Variants in PSMD14 observed in about 807,000 individuals in gnomAD.
PSMD14 encodes the protein ubiquitin C-terminal hydrolase PSMD14.
Under a neutral mutation model 41.2 loss-of-function variants are expected in PSMD14, and 7 were observed. The observed-to-expected ratio is 0.17, with a 90% CI of 0.10 to 0.32. PSMD14 has a LOEUF of 0.32. Among genes scored for constraint, PSMD14 ranks in the 10% least tolerant of loss-of-function variants. PSMD14 has a pLI of 1.00. For synonymous variants in PSMD14, 114 were observed against 122.3 expected, an observed-to-expected ratio of 0.93 and a Z score of 0.45; for missense variants, 139 against 375.6, an observed-to-expected ratio of 0.37 and a Z score of 5.21.
rs535756543 is a variant in PSMD14, at chr2:161,371,964, T to A, written c.462+642T>A. Among the ~76,000 whole-genome samples the A allele has an allele frequency of 4.2e-4, 63 of 150,112 alleles. 1 individual carries two copies. The highest frequency in any genetic ancestry group is 1.2e-4 in the Non-Finnish European group (8 of 66,586). On this transcript the variant is annotated intron_variant, in intron 7 of 11. Transcript: ENST00000409682. Reference sequence around the variant, plus strand: ...TTTCTCTTTTTTTGTTCATTCATTCTTTCTTTTTTTTTTTTATTTCTTTCT... The same window carrying A: ...TTTCTCTTTTTTTGTTCATTCATTCATTCTTTTTTTTTTTTATTTCTTTCT...
chr2:161,337,548 A>T (rs894490260), intron 3 of PSMD14, among the ~76,000 whole-genome samples: 8 of 152,210 alleles, frequency 5.3e-5, no homozygotes, highest in African/African-American at 1.9e-4. Flanking sequence ...CTCTGCACCT[A>T]ATCAATATTT....
chr2:161,408,164 T>C (rs1683978487), intron 10 of PSMD14: 1 of 152,160 alleles, frequency 6.6e-6, no homozygotes, highest in African/African-American at 2.4e-5. Flanking sequence ...ATTTGGTTTT[T>C]AGTTCAGGTA....
At chr2:161,387,455 A>G (rs764357822) in intron 8 of PSMD14, among the ~76,000 whole-genome samples, 37 of 151,990 alleles carry the variant, frequency 2.4e-4, no homozygotes, top group Non-Finnish European at 4.4e-4. Context: ...TTCAAGTAGT[A>G]GGGATAAAAG....
chr2:161,333,724 T>C (rs1682827835), intron 3 of PSMD14, among the ~76,000 whole-genome samples: 1 of 152,232 alleles, frequency 6.6e-6, no homozygotes, highest in Non-Finnish European at 1.5e-5. Flanking sequence ...GAGAAAGGTA[T>C]CAATTTTTAA....
intron 3 of PSMD14, among the ~76,000 whole-genome samples, chr2:161,363,172 C>T (rs1001960769): frequency 1.3e-5 from 2 of 152,154 alleles, no homozygotes; most frequent in Non-Finnish European, 2.9e-5. Flanking sequence ...AGGTTGCATG[C>T]TCCATCTATA....
chr2:161,335,932 T>TA (rs1416734367), intron 3 of PSMD14, among the ~76,000 whole-genome samples: 1 of 152,206 alleles, frequency 6.6e-6, no homozygotes, highest in African/African-American at 2.4e-5. Context: ...TTAGAAGTAA[T>TA]ATATGTAATG....
At chr2:161,399,799 G>T (rs1299052368) in intron 10 of PSMD14, among the ~76,000 whole-genome samples, 1 of 152,044 alleles carries the variant, frequency 6.6e-6, no homozygotes, top group Non-Finnish European at 1.5e-5. Context: ...TTTGGAGGCC[G>T]TCTTTCAGTT....
intron 3 of PSMD14, among the ~76,000 whole-genome samples, chr2:161,345,384 A>G (rs570023406): frequency 6.6e-6 from 1 of 151,604 alleles, no homozygotes; most frequent in East Asian, 1.9e-4. Flanking sequence ...CTGGGACCAC[A>G]GGTGCATGCC....
rs113433607 is a variant in PSMD14, at chr2:161,342,844, T to C, written c.48+23971T>C. 1.5e-3 allele frequency among the ~76,000 whole-genome samples: 234 copies of C among 152,320 alleles called. 3 individuals are homozygous for C. Among genetic ancestry groups the C allele is most frequent in the African/African-American group, 5.4e-3 (224 of 41,578 alleles). Reference sequence around the variant, plus strand: ...CATTATATCCCCTTTGTTGAATTTCTAGCTATAACTTGTTTTGTTAGTTTA... The same window carrying C: ...CATTATATCCCCTTTGTTGAATTTCCAGCTATAACTTGTTTTGTTAGTTTA... On this transcript the variant is annotated intron_variant, in intron 3 of 11. Coordinates refer to ENST00000409682, the MANE Select transcript of PSMD14 (RefSeq NM_005805.6).
At chr2:161,410,689 A>T (rs1049289328) in intron 11 of PSMD14, among the ~76,000 whole-genome samples, 1 of 152,128 alleles carries the variant, frequency 6.6e-6, no homozygotes, top group African/African-American at 2.4e-5. Flanking sequence ...AAATAGCTAC[A>T]TGAAACATTC....
intron 8 of PSMD14, among the ~76,000 whole-genome samples, chr2:161,388,211 A>G (rs1238311821): frequency 1.3e-5 from 2 of 152,124 alleles, no homozygotes; most frequent in Non-Finnish European, 2.9e-5. Flanking sequence ...CTCTAAGTAT[A>G]GTCTTGAGTA....
At chr2:161,328,761 G>A (rs1047923892) in intron 3 of PSMD14, among the ~76,000 whole-genome samples, 11 of 151,884 alleles carry the variant, frequency 7.2e-5, no homozygotes, top group African/African-American at 1.2e-4. Flanking sequence ...ATTGTACAGC[G>A]CAGGTCTAGA....
At chr2:161,321,124 AC>A (rs1018025788) in intron 3 of PSMD14, among the ~76,000 whole-genome samples, 2 of 152,204 alleles carry the variant, frequency 1.3e-5, no homozygotes, top group African/African-American at 4.8e-5. Flanking sequence ...AAAAAAGGAG[AC>A]ACAAATTGGC....
chr2:161,407,816 T>TTAG (rs1225291039), intron 10 of PSMD14: 2 of 152,082 alleles, frequency 1.3e-5, no homozygotes, highest in Non-Finnish European at 2.9e-5. Context: ...TTTCTTAAGG[T>TTAG]TAGTGATCCT....
intron 3 of PSMD14, among the ~76,000 whole-genome samples, chr2:161,350,363 G>A (rs1307469896): frequency 6.6e-6 from 1 of 152,112 alleles, no homozygotes; most frequent in Non-Finnish European, 1.5e-5. Flanking sequence ...TCATGTATCT[G>A]GCAATCCTAT....
intron 10 of PSMD14, 126 bp from the exon 11 acceptor site, chr2:161,408,711 C>T (rs1417545197): frequency 4.6e-6 from 3 of 649,376 alleles, no homozygotes; most frequent in South Asian, 2.0e-5. Context: ...TTTATTTGTT[C>T]AGTAAATTAT....
rs1054781711 is a variant in PSMD14 at position 161,411,556 on chromosome 2, T to C, written c.*156T>C. On this transcript the variant is annotated 3_prime_UTR_variant, in exon 12 of 12. Transcript: ENST00000409682. ...AACACCTTCAGTCTCAGTTGTGCAA[T>C]TACTTCTGTTTCTTTAGTCAGGGTC... The C allele has an allele frequency of 1.2e-5, 5 of 410,338 alleles. No homozygotes were observed. Among genetic ancestry groups the C allele is most frequent in the African/African-American group, 1.0e-4 (5 of 48,412 alleles). 25.4% of individuals were successfully genotyped at this position (410,338 alleles called of 1,614,324 possible). A position where few individuals can be genotyped will look rare whatever the true frequency, so the allele number is the denominator to read the frequency against.
intron 11 of PSMD14, 150 bp from the exon 12 acceptor site, chr2:161,411,152 G>A (rs1042408485): frequency 1.2e-5 from 6 of 494,698 alleles, no homozygotes; most frequent in Non-Finnish European, 1.8e-5. Context: ...TTCTAAGAAT[G>A]TAACAATATA....
At chr2:161,369,714 A>G (rs1574133012) in intron 5 of PSMD14, among the ~76,000 whole-genome samples, 4 of 152,184 alleles carry the variant, frequency 2.6e-5, no homozygotes, top group South Asian at 2.1e-4. Context: ...TTTCATTATG[A>G]TAGCTGAATA....
Sources: gnomAD v4.1 joint callset for allele counts (sites outside exome capture counted in the v4.1 genomes callset) on GRCh38, gnomAD v4.1.1 for gene constraint, MANE v1.5 for transcripts, NCBI Gene and HGNC (gene_info 2026-07-23, HGNC 2026-07-21) for gene names.